ICOS: variants seen among roughly 807,000 people sequenced by gnomAD.
The protein encoded by ICOS is inducible T cell costimulator.
A neutral mutation model predicts 24.6 loss-of-function variants in ICOS; 15 were observed. The observed-to-expected ratio is 0.61, with a 90% confidence interval of 0.41 to 0.94. The LOEUF (loss-of-function observed/expected upper bound fraction) is 0.94, where lower values mean the gene tolerates loss of function less well. ICOS is among the 40% of genes least tolerant of loss of function. The probability of loss-of-function intolerance (pLI) is 0.00; values close to 1 mark genes in which losing one functional copy is unlikely to be tolerated. For synonymous variants in ICOS, 89 were observed against 77.5 expected, an observed-to-expected ratio of 1.15 and a Z score of -0.78; for missense variants, 200 against 233.0, an observed-to-expected ratio of 0.86 and a Z score of 0.92.
intron 1 of ICOS, among the ~76,000 whole-genome samples, chr2:203,950,277 C>T (rs1689946564): frequency 6.6e-6 from 1 of 152,122 alleles, no homozygotes; most frequent in Non-Finnish European, 1.5e-5. Context: ...CATCAGAGGC[C>T]CAAGGCAGTA....
chr2:203,955,785 G>A lies in ICOS; in HGVS notation c.208G>A (p.Gly70Arg). ...ACTCTGCGATCTCACTAAGACAAAAGGAAGTGGAAACACAGTGTCCATTAA... is the reference window on the plus strand; with the variant it reads ...ACTCTGCGATCTCACTAAGACAAAAAGAAGTGGAAACACAGTGTCCATTAA... ...QILCDLTKTK[G>R]SGNTVSIKSL... is the part of the protein sequence containing the mutation. The change falls in exon 2 of 5, where the codon GGA becomes AGA. Residue 70 changes from glycine to arginine, a missense_variant. Gly to Arg is a moderately radical substitution (Grantham distance 125). Coordinates refer to ENST00000316386, the MANE Select transcript of ICOS (RefSeq NM_012092.4). 2 of 1,613,824 alleles carry A rather than the reference G, an allele frequency of 1.2e-6. No individual in the cohort carries two copies. Among genetic ancestry groups the A allele is most frequent in the South Asian group, 1.1e-5 (1 of 91,078 alleles).
At chr2:203,948,597 A>G (rs1167647940) in intron 1 of ICOS, among the ~76,000 whole-genome samples, 1 of 152,240 alleles carries the variant, frequency 6.6e-6, no homozygotes, top group African/African-American at 2.4e-5. Context: ...AATAAGACCA[A>G]CAAGGTCCCT....
chr2:203,950,969 AGAATCG>A (rs1689961260), intron 1 of ICOS, among the ~76,000 whole-genome samples: 1 of 152,146 alleles, frequency 6.6e-6, no homozygotes, highest in African/African-American at 2.4e-5. Context: ...CTGAGGCAGC[AGAATCG>A]CTTGAACCTA....
At chr2:203,958,658 A>G (rs955070693) in intron 4 of ICOS, among the ~76,000 whole-genome samples, 1 of 152,146 alleles carries the variant, frequency 6.6e-6, no homozygotes, top group Non-Finnish European at 1.5e-5. Context: ...TTGCGTTGTC[A>G]TGGAATTATA....
intron 1 of ICOS, among the ~76,000 whole-genome samples, chr2:203,940,446 A>T (rs1689745420): frequency 6.6e-6 from 1 of 152,132 alleles, no homozygotes; most frequent in African/African-American, 2.4e-5. Context: ...TGATCAGAAG[A>T]CTTCTCTTAT....
At chr2:203,937,093 T>C (rs565307591) in intron 1 of ICOS, among the ~76,000 whole-genome samples, 26 of 152,254 alleles carry the variant, frequency 1.7e-4, no homozygotes, top group Admixed American at 3.3e-4. Flanking sequence ...ATGAAAAACA[T>C]GTTTCATCAG....
At chr2:203,941,310 A>G (rs1210935524) in intron 1 of ICOS, among the ~76,000 whole-genome samples, 1 of 152,148 alleles carries the variant, frequency 6.6e-6, no homozygotes, top group Admixed American at 6.6e-5. Flanking sequence ...AATGGCTTTC[A>G]CAACTTGCTG....
chr2:203,951,757 A>G (rs1689978548), intron 1 of ICOS, among the ~76,000 whole-genome samples: 1 of 152,152 alleles, frequency 6.6e-6, no homozygotes, highest in Non-Finnish European at 1.5e-5. Flanking sequence ...TTTTGTGAAC[A>G]TTTCTAAAGG....
At chr2:203,941,929 G>C (rs995251777) in intron 1 of ICOS, among the ~76,000 whole-genome samples, 5 of 152,056 alleles carry the variant, frequency 3.3e-5, no homozygotes, top group African/African-American at 4.8e-5. Context: ...TCAGAAACTG[G>C]GGATATGAAC....
chr2:203,958,188 T>G (rs1024022437), intron 4 of ICOS, among the ~76,000 whole-genome samples: 7 of 152,308 alleles, frequency 4.6e-5, no homozygotes, highest in Middle Eastern at 3.4e-3. Context: ...TGATTCTAAG[T>G]GTTTTTTGTT....
intron 1 of ICOS, among the ~76,000 whole-genome samples, chr2:203,937,841 T>C (rs1581597255): frequency 6.6e-6 from 1 of 152,166 alleles, no homozygotes; most frequent in East Asian, 1.9e-4. Flanking sequence ...GTGAGTTAAG[T>C]GCAGTTAAGA....
In ICOS at chr2:203,959,455, AGTGTGT is replaced by A. The variant is rs34098976; in HGVS notation, c.587-113_587-108del. 5.8e-3 allele frequency: 4,181 copies of A among 717,732 alleles called. 17 individuals are homozygous for A. Among genetic ancestry groups the A allele is most frequent in the Non-Finnish European group, 8.6e-3 (3,348 of 390,082 alleles). 44.5% of individuals were successfully genotyped at this position (717,732 alleles called of 1,614,324 possible). ...GATGAGTTTGCATGGTGTGTGTGTG[AGTGTGT>A]GTGTGTGTGTGTGTGTGCACGTGTG... On this transcript the variant is annotated intron_variant, in intron 4 of 4. Transcript: ENST00000316386.
chr2:203,941,002 T>C lies in ICOS; in HGVS notation c.58+4130T>C, dbSNP rs545029204. 1.2e-3 allele frequency among the ~76,000 whole-genome samples: 176 copies of C among 152,296 alleles called. 1 individual carries two copies. The highest frequency in any genetic ancestry group is 3.7e-3 in the African/African-American group (152 of 41,576). The stretch of plus-strand genomic sequence containing the variant: ...GGTTTCACCGTGTTAGCCAGGATGG[T>C]CTCAATTTCCTGACCTCGTGATCCG... On this transcript the variant is annotated intron_variant, in intron 1 of 4. Coordinates refer to ENST00000316386, the MANE Select transcript of ICOS (RefSeq NM_012092.4).
chr2:203,950,619 C>T (rs1261171715), intron 1 of ICOS, among the ~76,000 whole-genome samples: 3 of 152,200 alleles, frequency 2.0e-5, no homozygotes, highest in Non-Finnish European at 2.9e-5. Context: ...AACATTCGAA[C>T]TGCAGACTTA....
At chr2:203,937,357 G>A (rs1689672260) in intron 1 of ICOS, among the ~76,000 whole-genome samples, 1 of 152,134 alleles carries the variant, frequency 6.6e-6, no homozygotes, top group African/African-American at 2.4e-5. Flanking sequence ...GCACCATAGA[G>A]TTTTTATTGA....
chr2:203,959,295 G>A (rs1208479254), intron 4 of ICOS, among the ~76,000 whole-genome samples: 3 of 152,316 alleles, frequency 2.0e-5, no homozygotes, highest in Non-Finnish European at 4.4e-5. Context: ...CCCATGCAGC[G>A]CTTTCTGCCC....
intron 1 of ICOS, among the ~76,000 whole-genome samples, chr2:203,948,279 C>T (rs981697629): frequency 3.3e-5 from 5 of 152,040 alleles, no homozygotes; most frequent in Admixed American, 2.6e-4. Flanking sequence ...TATGGCATAG[C>T]TAACTCTGGG....
intron 4 of ICOS, 110 bp downstream of exon 4, chr2:203,957,993 C>A: frequency 1.5e-6 from 1 of 669,726 alleles, no homozygotes; most frequent in Non-Finnish European, 2.7e-6. Context: ...TCTCCAAGGC[C>A]TAATTCTAGA....
intron 1 of ICOS, among the ~76,000 whole-genome samples, chr2:203,954,258 T>A (rs12466129): frequency 0.17 from 25,948 of 152,160 alleles, 2,683 homozygotes; most frequent in Non-Finnish European, 0.23. Context: ...AAAAACAACC[T>A]TGGCTTCCTA....
Sources: gnomAD v4.1 joint callset for allele counts (sites outside exome capture counted in the v4.1 genomes callset) on GRCh38, gnomAD v4.1.1 for gene constraint, MANE v1.5 for transcripts, NCBI Gene and HGNC (gene_info 2026-07-23, HGNC 2026-07-21) for gene names.